Variants in PCSK5 observed in about 807,000 individuals in gnomAD.
PCSK5 encodes prohormone convertase 5.
In PCSK5, 129 loss-of-function variants were observed where a neutral mutation model predicts 233.2. That is an observed-to-expected ratio of 0.55 (90% CI 0.48 to 0.64). The LOEUF (loss-of-function observed/expected upper bound fraction) is 0.64. Ranked by LOEUF, PCSK5 falls within the 30% of genes least tolerant of loss-of-function variation. PCSK5 has a pLI of 0.00. For missense variants in PCSK5, 2,076 were observed against 2,430.1 expected (o/e 0.85, Z 3.06); for synonymous variants, 825 against 879.2 (o/e 0.94, Z 1.09).
intron 5 of PCSK5, among the ~76,000 whole-genome samples, chr9:76,037,410 A>C (rs1828903755): frequency 6.6e-6 from 1 of 152,202 alleles, no homozygotes; most frequent in African/African-American, 2.4e-5. Flanking sequence ...TCATACTATA[A>C]ACAAAAGGTT....
chr9:76,063,348 T>TA (rs1491415029), intron 5 of PCSK5, among the ~76,000 whole-genome samples: 15 of 90,754 alleles, frequency 1.7e-4, no homozygotes, highest in Middle Eastern at 5.6e-3. Flanking sequence ...TTTTTTTTTT[T>TA]ATTGATAATT....
intron 24 of PCSK5, among the ~76,000 whole-genome samples, chr9:76,289,469 CCA>C (rs201456283): frequency 0.13 from 16,608 of 129,732 alleles, 1,153 homozygotes; most frequent in Non-Finnish European, 0.16. Flanking sequence ...ATTCCCCTCA[CCA>C]CACACACACA....
intron 9 of PCSK5, among the ~76,000 whole-genome samples, chr9:76,132,712 C>A (rs891296636): frequency 1.3e-5 from 2 of 151,980 alleles, no homozygotes; most frequent in African/African-American, 2.4e-5. Flanking sequence ...AGGTTAAGTA[C>A]TTGGCATTAT....
At chr9:76,159,754 G>A (rs912176260) in intron 12 of PCSK5, among the ~76,000 whole-genome samples, 12 of 151,268 alleles carry the variant, frequency 7.9e-5, no homozygotes, top group Non-Finnish European at 1.0e-4. Context: ...AGAGGCGCAG[G>A]CTAGATTTGG....
intron 1 of PCSK5, among the ~76,000 whole-genome samples, chr9:75,920,675 A>G (rs1224998340): frequency 6.6e-6 from 1 of 152,006 alleles, no homozygotes; most frequent in Non-Finnish European, 1.5e-5. Flanking sequence ...GCATGGTGGC[A>G]CACACCTGTA....
At chr9:76,058,794 T>C (rs1448804925) in intron 5 of PCSK5, among the ~76,000 whole-genome samples, 1 of 152,200 alleles carries the variant, frequency 6.6e-6, no homozygotes, top group Non-Finnish European at 1.5e-5. Context: ...TTAAAGTGTT[T>C]AAATCAAAAG....
Position 75,986,074 on chromosome 9 carries a change from T to C in PCSK5, c.298-58T>C. The C allele has an allele frequency of 4.0e-6, 4 of 1,002,478 alleles. No homozygotes were observed. The Admixed American group carries it at 7.0e-5, about 17-fold the overall frequency. 62.1% of individuals were successfully genotyped at this position (1,002,478 alleles called of 1,614,324 possible). ...CAATGGGAAATGCCTCAGACTGTCA[T>C]TTATGTTGTAATAACCCTGATGGAA... On this transcript the variant is annotated intron_variant, in intron 2 of 37. Coordinates refer to ENST00000674117, the MANE Select transcript of PCSK5 (RefSeq NM_001372043.1).
intron 4 of PCSK5, among the ~76,000 whole-genome samples, chr9:76,026,022 A>G (rs1469726387): frequency 6.6e-6 from 1 of 152,134 alleles, no homozygotes; most frequent in Non-Finnish European, 1.5e-5. Flanking sequence ...AGATTGCTTG[A>G]GCATAGGAGA....
At chr9:76,298,942 C>G (rs1022062203) in intron 27 of PCSK5, among the ~76,000 whole-genome samples, 1 of 152,220 alleles carries the variant, frequency 6.6e-6, no homozygotes, top group South Asian at 2.1e-4. Context: ...TTCACCCATG[C>G]TGCTCCCCAG....
intron 24 of PCSK5, among the ~76,000 whole-genome samples, chr9:76,273,596 T>TATATA (rs397822892): frequency 3.4e-5 from 5 of 145,150 alleles, no homozygotes; most frequent in African/African-American, 5.0e-5. Context: ...TATATATATA[T>TATATA]TTGTACTGCT....
intron 2 of PCSK5, among the ~76,000 whole-genome samples, chr9:75,979,645 G>A (rs1235099403): frequency 6.6e-6 from 1 of 152,112 alleles, no homozygotes; most frequent in African/African-American, 2.4e-5. Context: ...AAATACAAAG[G>A]TACACAGTTG....
At chr9:76,181,790 A>G (rs916701788) in intron 16 of PCSK5, among the ~76,000 whole-genome samples, 199 bp downstream of exon 16, 6 of 151,930 alleles carry the variant, frequency 3.9e-5, no homozygotes, top group African/African-American at 1.5e-4. Context: ...CCTCAAGACC[A>G]CCCCCAGATT....
chr9:76,107,403 G>A (rs1242961931), intron 9 of PCSK5, 52 bp downstream of exon 9: 3 of 1,183,388 alleles, frequency 2.5e-6, no homozygotes, highest in Non-Finnish European at 3.7e-6. Context: ...TGATCTCAGG[G>A]AAAACGTACC....
At chr9:76,154,017 G>C (rs112288331) in intron 10 of PCSK5, among the ~76,000 whole-genome samples, 1 of 152,260 alleles carries the variant, frequency 6.6e-6, no homozygotes, top group Admixed American at 6.5e-5. Flanking sequence ...AAAATTGTTA[G>C]TGCTTCCAAA....
intron 24 of PCSK5, among the ~76,000 whole-genome samples, chr9:76,246,023 TATGGGAAATGCAAA>T (rs144849686): frequency 0.38 from 58,142 of 151,868 alleles, 11,341 homozygotes; most frequent in Non-Finnish European, 0.41. Context: ...TTGTTCACTG[TATGGGAAATGCAAA>T]TTAAAACTGT....
chr9:76,052,830 G>T (rs539676477), intron 5 of PCSK5, among the ~76,000 whole-genome samples: 1 of 152,320 alleles, frequency 6.6e-6, no homozygotes, highest in East Asian at 1.9e-4. Flanking sequence ...AAGCAAGTTA[G>T]TTACTTCCTA....
rs59248860 is a variant in PCSK5, at chr9:76,173,496, C to CTTTTTTTTTTTTTTTTTT, written c.1757-1471_1757-1454dup. On this transcript the variant is annotated intron_variant, in intron 13 of 37. Transcript: ENST00000674117. Reference sequence around the variant, plus strand: ...CTTTAATGAAATGGAGGCACGTTTCCTTTTTTTTTTTTTTTTTTTTTTTTT... The same window carrying CTTTTTTTTTTTTTTTTTT: ...CTTTAATGAAATGGAGGCACGTTTCCTTTTTTTTTTTTTTTTTTTTTTTTTTTTTTTTTTTTTTTTTTT... Among the ~76,000 whole-genome samples, 148 of 60,984 alleles carry CTTTTTTTTTTTTTTTTTT rather than the reference C, an allele frequency of 2.4e-3. 26 individuals carry two copies. Among genetic ancestry groups the CTTTTTTTTTTTTTTTTTT allele is most frequent in the Middle Eastern group, 0.015 (1 of 68 alleles). The allele number at this position is 60,984 out of a possible 152,430, so 40.0% of individuals were successfully genotyped here.
At chr9:76,337,726 G>A (rs10869752) in intron 34 of PCSK5, among the ~76,000 whole-genome samples, 36,418 of 151,896 alleles carry the variant, frequency 0.24, 5,032 homozygotes, top group East Asian at 0.54. Flanking sequence ...CACCCATGTC[G>A]GCCTCCCAAA....
rs772466895 is a variant in PCSK5 at position 76,332,455 on chromosome 9, C to A, written c.4593C>A (p.Cys1531Ter). 15 of 1,612,326 alleles carry A rather than the reference C, an allele frequency of 9.3e-6. No individual in the cohort carries two copies. Among genetic ancestry groups the A allele is most frequent in the Non-Finnish European group, 1.2e-5 (14 of 1,179,596 alleles). Residue 1531 changes from cysteine to a stop codon, truncating the protein, a stop_gained, in exon 34 of 38, where the codon TGC becomes TGA. Transcript: ENST00000674117. LOFTEE classifies it high-confidence loss of function. ...CAGACACAACCTGTGTGAAGGACTGCCCAGAGGGCTATTATGCCGATGAGG... is the reference window on the plus strand; with the variant it reads ...CAGACACAACCTGTGTGAAGGACTGACCAGAGGGCTATTATGCCGATGAGG... ...LLLNTTCVKD[C>*]PEGYYADEDS...
Sources: allele counts gnomAD v4.1 joint callset (sites outside exome capture counted in the v4.1 genomes callset), GRCh38; gene constraint gnomAD v4.1.1; transcripts MANE v1.5; gene names NCBI Gene and HGNC (gene_info 2026-07-23, HGNC 2026-07-21).